KAT6B: variants seen among roughly 807,000 people sequenced by gnomAD.
The protein encoded by KAT6B is histone acetyltransferase KAT6B.
A neutral mutation model predicts 187.5 loss-of-function variants in KAT6B; 10 were observed. That is an observed-to-expected ratio of 0.05 (90% confidence interval 0.03 to 0.09). KAT6B has a LOEUF of 0.09. Among genes scored for constraint, KAT6B ranks in the 10% least tolerant of loss-of-function variants. The pLI is 1.00. For synonymous variants in KAT6B, 861 were observed against 926.8 expected, an observed-to-expected ratio of 0.93 and a Z score of 1.29; for missense variants, 1,952 against 2,558.9, an observed-to-expected ratio of 0.76 and a Z score of 5.12.
chr10:75,010,621 A>C (rs1477246778), intron 13 of KAT6B, among the ~76,000 whole-genome samples: 1 of 152,204 alleles, frequency 6.6e-6, no homozygotes, highest in Non-Finnish European at 1.5e-5. Flanking sequence ...TAGGAGAGCA[A>C]ATGGAAAGGC....
intron 1 of KAT6B, among the ~76,000 whole-genome samples, chr10:74,829,001 G>A (rs1188735634): frequency 6.7e-6 from 1 of 148,870 alleles, no homozygotes; most frequent in African/African-American, 2.5e-5. Context: ...GTGGTGAAGT[G>A]ATGGTTTAAA....
chr10:74,904,465 A>G (rs1427887837), intron 3 of KAT6B, among the ~76,000 whole-genome samples: 1 of 152,212 alleles, frequency 6.6e-6, no homozygotes, highest in East Asian at 1.9e-4. Context: ...GGTCAGCTGG[A>G]AAATCTCCCA....
At chr10:74,905,872 C>G (rs750206374) in intron 3 of KAT6B, among the ~76,000 whole-genome samples, 1 of 152,178 alleles carries the variant, frequency 6.6e-6, no homozygotes, top group Non-Finnish European at 1.5e-5. Context: ...CTCCTTCCAT[C>G]CATGCCTTGC....
chr10:74,847,515 G>A (rs931393657), intron 3 of KAT6B, among the ~76,000 whole-genome samples: 7 of 151,858 alleles, frequency 4.6e-5, no homozygotes, highest in African/African-American at 1.5e-4. Context: ...AAATACAAAA[G>A]TAGCCGGGCA....
intron 13 of KAT6B, among the ~76,000 whole-genome samples, chr10:75,019,983 C>T (rs1845271824): frequency 6.6e-6 from 1 of 152,088 alleles, no homozygotes; most frequent in Non-Finnish European, 1.5e-5. Flanking sequence ...GAAAATGGAG[C>T]TAGTGGAGCT....
At chr10:74,897,869 G>A (rs1454133611) in intron 3 of KAT6B, among the ~76,000 whole-genome samples, 1 of 152,126 alleles carries the variant, frequency 6.6e-6, no homozygotes, top group Non-Finnish European at 1.5e-5. Flanking sequence ...AATTTTGGGG[G>A]CTGTTTCATT....
intron 1 of KAT6B, among the ~76,000 whole-genome samples, chr10:74,835,958 C>G (rs1386053379): frequency 6.6e-6 from 1 of 152,198 alleles, no homozygotes; most frequent in East Asian, 1.9e-4. Flanking sequence ...CCAAATAAAA[C>G]CCCTTACCCA....
intron 3 of KAT6B, among the ~76,000 whole-genome samples, chr10:74,904,628 C>T (rs1178399825): frequency 6.6e-6 from 1 of 152,146 alleles, no homozygotes; most frequent in East Asian, 1.9e-4. Flanking sequence ...TGATGACTGG[C>T]CAGCTTTCTG....
chr10:74,853,445 C>T (rs1006896812), intron 3 of KAT6B, among the ~76,000 whole-genome samples: 1 of 151,772 alleles, frequency 6.6e-6, no homozygotes. Context: ...AGGCACACAC[C>T]ACTACACCCA....
At position 75,031,107 on chromosome 10, in the gene KAT6B, C is replaced by A; in HGVS notation, c.*61C>A. On this transcript the variant is annotated 3_prime_UTR_variant, in exon 18 of 18. Coordinates refer to ENST00000287239, the MANE Select transcript of KAT6B (RefSeq NM_012330.4). Reference sequence around the variant, plus strand: ...ACTATTGGATTGATCTGCACAAATACCTTTGAAGAGTACGATTTCAAAACC... The same window carrying A: ...ACTATTGGATTGATCTGCACAAATAACTTTGAAGAGTACGATTTCAAAACC... 6.3e-7 allele frequency: 1 copy of A among 1,587,254 alleles called. No homozygotes were observed. Among genetic ancestry groups the A allele is most frequent in the Non-Finnish European group, 8.6e-7 (1 of 1,162,088 alleles).
At chr10:75,003,091 G>A (rs541951292) in intron 13 of KAT6B, 4 of 152,220 alleles carry the variant, frequency 2.6e-5, no homozygotes, top group Non-Finnish European at 4.4e-5. Context: ...GTCTTCTTTC[G>A]AGGTCTGGTA....
rs776005931 is a variant in KAT6B, at chr10:74,912,364, AATGG to A, written c.622-47595_622-47592del. Among the ~76,000 whole-genome samples, 910 of 111,180 alleles carry A rather than the reference AATGG, an allele frequency of 8.2e-3. 3 individuals carry two copies. The highest frequency in any genetic ancestry group is 0.024 in the South Asian group (89 of 3,702). The allele number at this position is 111,180 out of a possible 152,430, so 72.9% of individuals were successfully genotyped here. A position where few individuals can be genotyped will look rare whatever the true frequency, so the allele number is the denominator to read the frequency against. ...GGTTGAAGGATGGATGGATAGATTA[AATGG>A]ATGGATGGATAGATAGATAGATAGA... On this transcript the variant is annotated intron_variant, in intron 3 of 17. Transcript: ENST00000287239.
intron 3 of KAT6B, among the ~76,000 whole-genome samples, chr10:74,940,586 T>TG (rs1849600468): frequency 6.6e-6 from 1 of 151,352 alleles, no homozygotes; most frequent in Admixed American, 6.6e-5. Flanking sequence ...TGTTTTTTTT[T>TG]TTTTTCTTTC....
At chr10:74,932,028 A>AT (rs1848920434) in intron 3 of KAT6B, among the ~76,000 whole-genome samples, 2 of 152,170 alleles carry the variant, frequency 1.3e-5, no homozygotes, top group African/African-American at 4.8e-5. Context: ...ATGTTCTTGA[A>AT]TGTATATGTG....
chr10:74,830,558 T>TAG (rs1840675427), intron 1 of KAT6B, among the ~76,000 whole-genome samples: 1 of 151,370 alleles, frequency 6.6e-6, no homozygotes, highest in Non-Finnish European at 1.5e-5. Context: ...GTCTTCATCT[T>TAG]TACTAAGTAC....
chr10:74,825,181 G>A (rs992905297), upstream of KAT6B, among the ~76,000 whole-genome samples: 11 of 152,220 alleles, frequency 7.2e-5, no homozygotes, highest in South Asian at 8.3e-4. This position sits in a 1 kb window ranked among gnomAD's most constrained non-coding sequence, Gnocchi z 5.0. Context: ...GGCGAAGGAC[G>A]AAGTTTGGGG....
At chr10:74,878,526 A>T (rs1404903226) in intron 3 of KAT6B, among the ~76,000 whole-genome samples, 1 of 150,744 alleles carries the variant, frequency 6.6e-6, no homozygotes, top group Non-Finnish European at 1.5e-5. Flanking sequence ...AGGCTGAGGC[A>T]GGAGAATCAC....
intron 13 of KAT6B, among the ~76,000 whole-genome samples, chr10:74,998,988 T>A (rs374315278): frequency 7.9e-5 from 12 of 152,390 alleles, no homozygotes; most frequent in African/African-American, 2.9e-4. Context: ...TTCAAAATTA[T>A]ATATGTAATA....
At chr10:74,994,972 G>A (rs527533148) in intron 13 of KAT6B, among the ~76,000 whole-genome samples, 9 of 152,170 alleles carry the variant, frequency 5.9e-5, no homozygotes, top group African/African-American at 1.7e-4. Context: ...ACACATATGC[G>A]TGTACACACA....
Sources: allele counts gnomAD v4.1 joint callset (sites outside exome capture counted in the v4.1 genomes callset), GRCh38; gene constraint gnomAD v4.1.1; non-coding constraint Gnocchi (gnomAD v3.1); transcripts MANE v1.5; gene names NCBI Gene and HGNC (gene_info 2026-07-23, HGNC 2026-07-21).